Variants in AGBL4 observed in about 807,000 individuals in gnomAD.
AGBL4 encodes AGBL carboxypeptidase 4.
A neutral mutation model predicts 66.4 loss-of-function variants in AGBL4; 58 were observed. The ratio of observed to expected loss-of-function variants is 0.87; its 90% confidence interval spans 0.71 to 1.09. AGBL4 has a LOEUF of 1.09. Ranked by LOEUF, AGBL4 falls within the 50% of genes least tolerant of loss-of-function variation. The pLI, the probability that AGBL4 is intolerant of heterozygous loss-of-function variation, is 0.00. For synonymous variants in AGBL4, 234 were observed against 222.9 expected (o/e 1.05, Z -0.44); for missense variants, 579 against 631.0 (o/e 0.92, Z 0.88).
chr1:48,748,359 T>A (rs529423620), intron 6 of AGBL4, among the ~76,000 whole-genome samples: 1 of 152,220 alleles, frequency 6.6e-6, no homozygotes, highest in Non-Finnish European at 1.5e-5. Flanking sequence ...ATTCCTTTGG[T>A]GAGAATCTAC....
At chr1:49,628,564 A>G (rs553880348) in intron 3 of AGBL4, among the ~76,000 whole-genome samples, 123 of 152,250 alleles carry the variant, frequency 8.1e-4, no homozygotes, top group African/African-American at 2.9e-3. Context: ...AATCTTCAAA[A>G]GGTTTATCTC....
At chr1:49,617,030 C>T (rs769863074) in intron 3 of AGBL4, among the ~76,000 whole-genome samples, 5 of 152,072 alleles carry the variant, frequency 3.3e-5, no homozygotes, top group Admixed American at 2.0e-4. Context: ...TCAGATGGTG[C>T]CACTCCAGGA....
In AGBL4 at chr1:48,716,990, T is replaced by A. The variant is rs116607082; in HGVS notation, c.635-53749A>T. ...CTTCAACCGATCCCCGATTTAATCC[T>A]CTCAAGAGCCTGTGAGGGAACAGTG... is the stretch of plus-strand genomic sequence containing the variant. On this transcript the variant is annotated intron_variant, in intron 6 of 13. Transcript: ENST00000371839. Among the ~76,000 whole-genome samples, 169 of 152,322 alleles carry A rather than the reference T, an allele frequency of 1.1e-3. 1 individual carries two copies. Among genetic ancestry groups the A allele is most frequent in the African/African-American group, 3.9e-3 (161 of 41,574 alleles).
intron 3 of AGBL4, among the ~76,000 whole-genome samples, chr1:49,473,471 C>G (rs1646787574): frequency 6.6e-6 from 1 of 151,978 alleles, no homozygotes; most frequent in Non-Finnish European, 1.5e-5. Context: ...TGTCCTTTGC[C>G]TATTTTTTAA....
At chr1:49,035,955 G>A (rs1436274268) in intron 5 of AGBL4, among the ~76,000 whole-genome samples, 2 of 151,894 alleles carry the variant, frequency 1.3e-5, no homozygotes, top group South Asian at 2.1e-4. Flanking sequence ...ATAGAAACTG[G>A]GGACTAGTAG....
chr1:49,275,659 T>C (rs1644153509), intron 3 of AGBL4, among the ~76,000 whole-genome samples: 1 of 152,180 alleles, frequency 6.6e-6, no homozygotes, highest in Non-Finnish European at 1.5e-5. Flanking sequence ...ATACCTGTTA[T>C]TACATTCTAG....
chr1:49,152,088 T>A (rs1646347323), intron 4 of AGBL4, among the ~76,000 whole-genome samples: 1 of 152,168 alleles, frequency 6.6e-6, no homozygotes, highest in South Asian at 2.1e-4. Flanking sequence ...TTAAGTTTTA[T>A]AATAAATTTA....
At chr1:48,626,070 C>A (rs190825128) in intron 9 of AGBL4, among the ~76,000 whole-genome samples, 90 of 152,288 alleles carry the variant, frequency 5.9e-4, no homozygotes, top group African/African-American at 1.6e-3. Context: ...GTCTTTATTT[C>A]CATATTGAAC....
chr1:49,497,372 G>A (rs570556259), intron 3 of AGBL4, among the ~76,000 whole-genome samples: 6 of 151,822 alleles, frequency 4.0e-5, no homozygotes, highest in South Asian at 2.1e-4. Flanking sequence ...TAATTTTGAC[G>A]TAATTACATT....
At chr1:49,332,116 C>G (rs1414247629) in intron 3 of AGBL4, among the ~76,000 whole-genome samples, 2 of 152,178 alleles carry the variant, frequency 1.3e-5, no homozygotes, top group African/African-American at 4.8e-5. Flanking sequence ...TTTCTCCCTT[C>G]CTGACCTCTG....
At chr1:49,188,233 T>C (rs1351255555) in intron 4 of AGBL4, among the ~76,000 whole-genome samples, 1 of 152,084 alleles carries the variant, frequency 6.6e-6, no homozygotes. Flanking sequence ...CTGCTCAGTA[T>C]CATCTCCTCC....
intron 5 of AGBL4, among the ~76,000 whole-genome samples, chr1:49,029,976 C>T (rs1178531814): frequency 6.6e-6 from 1 of 152,114 alleles, no homozygotes; most frequent in Non-Finnish European, 1.5e-5. Context: ...TAAATTGGAA[C>T]ATTTTCTTAC....
At chr1:49,536,137 T>G (rs1411736535) in intron 3 of AGBL4, among the ~76,000 whole-genome samples, 3 of 152,224 alleles carry the variant, frequency 2.0e-5, no homozygotes, top group Non-Finnish European at 4.4e-5. Flanking sequence ...ATATTTCTAC[T>G]CTGAGTTCCT....
intron 9 of AGBL4, among the ~76,000 whole-genome samples, chr1:48,622,818 T>C (rs1183648229): frequency 2.0e-5 from 3 of 152,154 alleles, no homozygotes; most frequent in Admixed American, 6.5e-5. Context: ...ATAGTTAAAT[T>C]TTTTTGAGAA....
intron 3 of AGBL4, among the ~76,000 whole-genome samples, chr1:49,423,883 C>T (rs1017230179): frequency 1.3e-5 from 2 of 150,680 alleles, no homozygotes; most frequent in African/African-American, 4.9e-5. Context: ...TTAAGAGACA[C>T]AGCCGAGCTC....
intron 3 of AGBL4, among the ~76,000 whole-genome samples, chr1:49,652,209 A>G (rs1453769325): frequency 2.0e-5 from 3 of 152,202 alleles, no homozygotes; most frequent in South Asian, 2.1e-4. Flanking sequence ...GAAAATTACC[A>G]AACCTAATGA....
chr1:49,847,655 C>T (rs995833507), intron 2 of AGBL4, among the ~76,000 whole-genome samples: 4 of 150,868 alleles, frequency 2.7e-5, no homozygotes, highest in African/African-American at 9.7e-5. Flanking sequence ...AAGCAAAGGA[C>T]ATGAATAAAT....
At chr1:48,558,160 T>G (rs909004601) in intron 11 of AGBL4, among the ~76,000 whole-genome samples, 1 of 152,192 alleles carries the variant, frequency 6.6e-6, no homozygotes, top group Non-Finnish European at 1.5e-5. Context: ...GAGTTTAACA[T>G]AAAATAGATA....
Position 49,471,447 on chromosome 1 carries a change from T to C in AGBL4, c.283-225583A>G, listed in dbSNP as rs1342131909. Among the ~76,000 whole-genome samples the C allele has an allele frequency of 2.0e-5, 3 of 151,938 alleles. No individual in the cohort carries two copies. The East Asian group carries it at 5.8e-4, about 29-fold the overall frequency. On this transcript the variant is annotated intron_variant, in intron 3 of 13. Coordinates refer to ENST00000371839, the MANE Select transcript of AGBL4 (RefSeq NM_032785.4). ...CACATGTATGTTTCCCTAATTCTCT[T>C]GCAGGGTAAAACTAAAACTCTTGGA...
Sources: gnomAD v4.1 joint callset for allele counts (sites outside exome capture counted in the v4.1 genomes callset) on GRCh38, gnomAD v4.1.1 for gene constraint, MANE v1.5 for transcripts, NCBI Gene and HGNC (gene_info 2026-07-23, HGNC 2026-07-21) for gene names.